Variants in CPED1 observed in about 807,000 individuals in gnomAD.
CPED1 encodes cadherin like and PC-esterase domain containing 1.
A neutral mutation model predicts 128.2 loss-of-function variants in CPED1; 114 were observed. That is an observed-to-expected ratio of 0.89 (90% CI 0.76 to 1.04). The LOEUF is 1.04. Ranked by LOEUF, CPED1 falls within the 50% of genes least tolerant of loss-of-function variation. CPED1 has a pLI of 0.00. For missense variants in CPED1, 1,211 were observed against 1,207.1 expected, an observed-to-expected ratio of 1.00 and a Z score of -0.05; for synonymous variants, 462 against 426.7, an observed-to-expected ratio of 1.08 and a Z score of -1.02.
At chr7:121,223,829 T>C (rs970405216) in intron 16 of CPED1, among the ~76,000 whole-genome samples, 3 of 152,070 alleles carry the variant, frequency 2.0e-5, no homozygotes, top group Non-Finnish European at 4.4e-5. Flanking sequence ...TTTTATTGTG[T>C]CTATTTGATT....
chr7:121,049,364 G>C (rs1461313162), intron 4 of CPED1, among the ~76,000 whole-genome samples: 1 of 152,182 alleles, frequency 6.6e-6, no homozygotes, highest in Admixed American at 6.5e-5. Flanking sequence ...GTAAACTTAG[G>C]GGAGTGTAGC....
rs915207670 is a variant in CPED1 at position 121,140,821 on chromosome 7, T to C, written c.1700-6T>C. 1 of 1,600,182 alleles carries C rather than the reference T, an allele frequency of 6.2e-7. No homozygotes were observed. On this transcript the variant is annotated splice_polypyrimidine_tract_variant and splice_region_variant and intron_variant, in intron 14 of 22. Transcript: ENST00000310396. ...GTCTTTGTCATTGTTTTTGTTTTTT[T>C]AACAGATGAAAACACACCATGTCAT... is the stretch of plus-strand genomic sequence containing the variant.
At chr7:121,256,029 T>C (rs1791852720) in intron 18 of CPED1, among the ~76,000 whole-genome samples, 1 of 146,348 alleles carries the variant, frequency 6.8e-6, no homozygotes, top group Admixed American at 7.1e-5. Flanking sequence ...ACTACCAATG[T>C]CACTTTTCAT....
chr7:121,187,228 T>C (rs1179716563), intron 16 of CPED1, among the ~76,000 whole-genome samples: 1 of 152,118 alleles, frequency 6.6e-6, no homozygotes, highest in Non-Finnish European at 1.5e-5. Context: ...TGGACAATGG[T>C]AAGGAGCCCA....
chr7:121,292,778 CT>C (rs1308588820), intron 22 of CPED1, among the ~76,000 whole-genome samples: 1 of 152,156 alleles, frequency 6.6e-6, no homozygotes, highest in Non-Finnish European at 1.5e-5. Context: ...TCAGGCCGCT[CT>C]TCTGCAAGTC....
At chr7:121,283,812 C>T (rs1792508857) in intron 22 of CPED1, among the ~76,000 whole-genome samples, 1 of 152,156 alleles carries the variant, frequency 6.6e-6, no homozygotes, top group African/African-American at 2.4e-5. Flanking sequence ...TGATACATGC[C>T]CTCATGGTCC....
chr7:121,204,663 T>C (rs1797476880), intron 16 of CPED1, among the ~76,000 whole-genome samples: 1 of 152,134 alleles, frequency 6.6e-6, no homozygotes, highest in Non-Finnish European at 1.5e-5. Context: ...CATTATCTCA[T>C]TTCCCCTGGA....
At chr7:121,248,181 C>A (rs1262627374) in intron 18 of CPED1, among the ~76,000 whole-genome samples, 1 of 152,008 alleles carries the variant, frequency 6.6e-6, no homozygotes. Context: ...AAGTGGGAAA[C>A]AAACCCACAT....
chr7:121,064,693 A>C (rs1793780508), intron 5 of CPED1, among the ~76,000 whole-genome samples: 1 of 152,182 alleles, frequency 6.6e-6, no homozygotes, highest in East Asian at 1.9e-4. Flanking sequence ...TTCTGATCCT[A>C]AAAACATTGT....
At chr7:121,260,839 G>A (rs143907255) in intron 18 of CPED1, among the ~76,000 whole-genome samples, 1 of 152,140 alleles carries the variant, frequency 6.6e-6, no homozygotes, top group Non-Finnish European at 1.5e-5. Flanking sequence ...TACCACTTCT[G>A]TAAATATTGA....
chr7:121,071,651 G>A (rs374870641), intron 5 of CPED1, among the ~76,000 whole-genome samples: 12 of 152,060 alleles, frequency 7.9e-5, no homozygotes, highest in African/African-American at 2.2e-4. Context: ...AAGGGGCTGA[G>A]ACTACAGGAG....
At position 121,137,619 on chromosome 7, in the gene CPED1, G is replaced by A. The variant is rs546767474; in HGVS notation, c.1699+1529G>A. Among the ~76,000 whole-genome samples the A allele has an allele frequency of 2.0e-4, 30 of 152,142 alleles. No homozygotes were observed. The South Asian group carries it at 5.2e-3, about 26-fold the overall frequency. ...AATAATATAGTTTAATAGAATTAAC[G>A]TATATAGCCAATTAAAGAAAATGGC... On this transcript the variant is annotated intron_variant, in intron 14 of 22. Transcript: ENST00000310396.
chr7:121,187,935 T>A lies in CPED1; in HGVS notation c.2055+45794T>A, dbSNP rs565876278. Reference sequence around the variant, plus strand: ...GATGCAATGAGGAAGTTCACAGGACTTCCTAAATAAATGTAATGTTCATGT... The same window carrying A: ...GATGCAATGAGGAAGTTCACAGGACATCCTAAATAAATGTAATGTTCATGT... On this transcript the variant is annotated intron_variant, in intron 16 of 22. Coordinates refer to ENST00000310396, the MANE Select transcript of CPED1 (RefSeq NM_024913.5). Among the ~76,000 whole-genome samples, 10 of 152,270 alleles carry A rather than the reference T, an allele frequency of 6.6e-5. 1 individual carries two copies. In the South Asian group the frequency reaches 1.4e-3, roughly 22 times the overall value.
intron 22 of CPED1, among the ~76,000 whole-genome samples, chr7:121,274,756 C>A (rs1792299561): frequency 6.6e-6 from 1 of 152,098 alleles, no homozygotes; most frequent in Non-Finnish European, 1.5e-5. Context: ...TAAATCATCA[C>A]CTAACATCTT....
chr7:121,203,562 C>A (rs1267778118), intron 16 of CPED1, among the ~76,000 whole-genome samples: 1 of 152,088 alleles, frequency 6.6e-6, no homozygotes, highest in Non-Finnish European at 1.5e-5. Context: ...CCCTGTGGGC[C>A]TTTTCCTTAG....
chr7:121,094,125 A>G (rs955796334), intron 5 of CPED1, among the ~76,000 whole-genome samples: 3 of 152,232 alleles, frequency 2.0e-5, no homozygotes, highest in Non-Finnish European at 2.9e-5. Context: ...TAATGTACTC[A>G]TAAATGGTAC....
At chr7:121,006,413 A>C (rs142529498) in intron 2 of CPED1, among the ~76,000 whole-genome samples, 306 of 152,220 alleles carry the variant, frequency 2.0e-3, no homozygotes, top group African/African-American at 7.1e-3. Context: ...CAGCAAAAGC[A>C]ATCAGGGCTT....
At chr7:121,287,573 A>C (rs1368122374) in intron 22 of CPED1, among the ~76,000 whole-genome samples, 1 of 152,194 alleles carries the variant, frequency 6.6e-6, no homozygotes, top group Non-Finnish European at 1.5e-5. Flanking sequence ...CTCTATTCAT[A>C]GTGACTAATG....
intron 3 of CPED1, among the ~76,000 whole-genome samples, chr7:121,023,085 T>C (rs1792484823): frequency 6.6e-6 from 1 of 152,074 alleles, no homozygotes; most frequent in African/African-American, 2.4e-5. Context: ...CAGTAATATG[T>C]AGTTCAAAAG....
Sources: allele counts gnomAD v4.1 joint callset (sites outside exome capture counted in the v4.1 genomes callset), GRCh38; gene constraint gnomAD v4.1.1; transcripts MANE v1.5; gene names NCBI Gene and HGNC (gene_info 2026-07-23, HGNC 2026-07-21).